Variants in DLG2 observed in about 807,000 individuals in gnomAD.
DLG2 encodes disks large homolog 2.
DLG2 carries 45 observed loss-of-function variants against 132.5 expected under a neutral mutation model. The observed-to-expected ratio is 0.34, with a 90% CI of 0.27 to 0.44. The LOEUF (loss-of-function observed/expected upper bound fraction) is 0.44. Ranked by LOEUF, DLG2 falls within the 20% of genes least tolerant of loss-of-function variation. The probability of loss-of-function intolerance (pLI) is 1.00; values close to 1 mark genes in which losing one functional copy is unlikely to be tolerated. For synonymous variants in DLG2, 424 were observed against 419.6 expected (o/e 1.01, Z -0.13); for missense variants, 1,045 against 1,196.9 (o/e 0.87, Z 1.87).
At chr11:84,232,055 C>T (rs991638471) in intron 8 of DLG2, among the ~76,000 whole-genome samples, 1 of 151,518 alleles carries the variant, frequency 6.6e-6, no homozygotes, top group African/African-American at 2.4e-5. Context: ...GAAACTAAAG[C>T]CAGACTATGT....
rs930011521 is a variant in DLG2 at position 83,688,784 on chromosome 11, C to T, written c.1826-55459G>A. On this transcript the variant is annotated intron_variant, in intron 18 of 27. Coordinates refer to ENST00000376104, the MANE Select transcript of DLG2 (RefSeq NM_001142699.3). ...AAGCCTTCCTACATATAAGAGTTTG[C>T]CTTCTTTGTTTATCTATTATCTGGT... Among the ~76,000 whole-genome samples the T allele has an allele frequency of 3.3e-5, 5 of 152,086 alleles. No homozygotes were observed. The South Asian group carries it at 1.0e-3, about 32-fold the overall frequency.
intron 11 of DLG2, among the ~76,000 whole-genome samples, chr11:84,007,244 A>G (rs2094613720): frequency 1.3e-5 from 2 of 151,728 alleles, no homozygotes; most frequent in Non-Finnish European, 3.0e-5. Context: ...TGAAGTAACT[A>G]AACAATATTT....
intron 6 of DLG2, among the ~76,000 whole-genome samples, chr11:84,633,316 G>A (rs2099635294): frequency 6.6e-6 from 1 of 151,940 alleles, no homozygotes; most frequent in Admixed American, 6.6e-5. Flanking sequence ...TTTCATTTCA[G>A]CCACACTTAA....
chr11:84,886,620 C>G (rs541744358), intron 6 of DLG2, among the ~76,000 whole-genome samples: 2 of 152,218 alleles, frequency 1.3e-5, no homozygotes, highest in South Asian at 4.1e-4. Flanking sequence ...AAAAATAGCA[C>G]ATTAGAAGGT....
intron 3 of DLG2, among the ~76,000 whole-genome samples, chr11:85,419,959 CA>C (rs2152993327): frequency 6.6e-6 from 1 of 152,294 alleles, no homozygotes; most frequent in East Asian, 1.9e-4. Context: ...ATTCCCCATC[CA>C]GTTTTGTTCC....
intron 18 of DLG2, among the ~76,000 whole-genome samples, chr11:83,754,235 T>A (rs540557780): frequency 2.0e-5 from 3 of 151,092 alleles, no homozygotes; most frequent in Non-Finnish European, 1.5e-5. Flanking sequence ...TTAAAATCAA[T>A]TGTGCCCTAT....
At chr11:83,640,651 G>A (rs967199604) in intron 18 of DLG2, among the ~76,000 whole-genome samples, 2 of 152,156 alleles carry the variant, frequency 1.3e-5, no homozygotes, top group African/African-American at 4.8e-5. Flanking sequence ...AGGCTCACAG[G>A]ATAGTGCATA....
chr11:84,994,538 T>C (rs954912464), intron 6 of DLG2, among the ~76,000 whole-genome samples: 2 of 152,100 alleles, frequency 1.3e-5, no homozygotes, highest in Admixed American at 6.5e-5. Context: ...TATGTACCAG[T>C]ATATGAAAAC....
intron 18 of DLG2, among the ~76,000 whole-genome samples, chr11:83,767,085 C>T (rs2094175462): frequency 6.6e-6 from 1 of 152,142 alleles, no homozygotes; most frequent in South Asian, 2.1e-4. Flanking sequence ...CTAGGATTGA[C>T]TTCTCATCTC....
chr11:83,782,690 C>T (rs2094881357), intron 18 of DLG2, among the ~76,000 whole-genome samples: 1 of 152,008 alleles, frequency 6.6e-6, no homozygotes, highest in South Asian at 2.1e-4. Context: ...TCCTGTGTAG[C>T]AGGGGTACAA....
chr11:84,996,755 C>T (rs2057689837), intron 6 of DLG2, among the ~76,000 whole-genome samples: 1 of 152,122 alleles, frequency 6.6e-6, no homozygotes. Context: ...TTTACAGCAA[C>T]ATGGACTTGG....
intron 6 of DLG2, among the ~76,000 whole-genome samples, chr11:84,928,903 T>G (rs1256449353): frequency 6.9e-6 from 1 of 144,642 alleles, no homozygotes; most frequent in Non-Finnish European, 1.5e-5. Flanking sequence ...TCTTAAAAAT[T>G]GATATAAATT....
At chr11:83,784,334 GA>G (rs1247767995) in intron 18 of DLG2, among the ~76,000 whole-genome samples, 1 of 152,020 alleles carries the variant, frequency 6.6e-6, no homozygotes, top group African/African-American at 2.4e-5. Flanking sequence ...CTTTTTCATT[GA>G]AAACTGCAGT....
chr11:83,651,659 A>G lies in DLG2; in HGVS notation c.1826-18334T>C, dbSNP rs1252417278. 8 of 279,606 alleles carry G rather than the reference A, an allele frequency of 2.9e-5. No individual in the cohort carries two copies. The East Asian group carries it at 5.6e-4, about 20-fold the overall frequency. 17.3% of individuals were successfully genotyped at this position (279,606 alleles called of 1,614,324 possible). A position where few individuals can be genotyped will look rare whatever the true frequency, so the allele number is the denominator to read the frequency against. On this transcript the variant is annotated intron_variant, in intron 18 of 27. Coordinates refer to ENST00000376104, the MANE Select transcript of DLG2 (RefSeq NM_001142699.3). ...AAGAGGAGTTGGAGGAGGAGGAAGA[A>G]AACATCCAGAGCATTCAATTTATTC...
chr11:85,248,425 G>A (rs934429562), intron 4 of DLG2, among the ~76,000 whole-genome samples: 1 of 151,692 alleles, frequency 6.6e-6, no homozygotes, highest in Admixed American at 6.6e-5. Context: ...TTTAATTAAA[G>A]ATTTTTTTTA....
At chr11:83,850,160 G>GTGTGTGTGTGTGTTTT (rs1452960432) in intron 16 of DLG2, among the ~76,000 whole-genome samples, 8 of 124,304 alleles carry the variant, frequency 6.4e-5, no homozygotes, top group African/African-American at 2.9e-4. Context: ...GTGTGTGTGT[G>GTGTGTGTGTGTGTTTT]TTTTTTTACT....
At chr11:85,110,604 C>T (rs1164127888) in intron 6 of DLG2, among the ~76,000 whole-genome samples, 1 of 152,086 alleles carries the variant, frequency 6.6e-6, no homozygotes, top group Non-Finnish European at 1.5e-5. Flanking sequence ...ACCATCTCTC[C>T]TTCACTAAAG....
chr11:84,650,041 C>G (rs1382423043), intron 6 of DLG2, among the ~76,000 whole-genome samples: 1 of 152,296 alleles, frequency 6.6e-6, no homozygotes, highest in East Asian at 1.9e-4. Context: ...AAGAAAGAAC[C>G]CTTTCAGCTT....
Position 84,106,979 on chromosome 11 carries a change from G to GGTGT in DLG2, c.625-7936_625-7933dup, listed in dbSNP as rs35530888. ...AAGAGAGAGAGAGTTTTAGCCTTAG[G>GGTGT]GTGTGTGTGTGTGTGTGTGTGTGTG... On this transcript the variant is annotated intron_variant, in intron 9 of 27. Transcript: ENST00000376104. 2.2e-3 allele frequency among the ~76,000 whole-genome samples: 233 copies of GGTGT among 105,380 alleles called. 1 individual carries two copies. Among genetic ancestry groups the GGTGT allele is most frequent in the African/African-American group, 7.3e-3 (199 of 27,108 alleles). 69.1% of individuals were successfully genotyped at this position (105,380 alleles called of 152,430 possible).
Sources: allele counts gnomAD v4.1 joint callset (sites outside exome capture counted in the v4.1 genomes callset), GRCh38; gene constraint gnomAD v4.1.1; transcripts MANE v1.5; gene names NCBI Gene and HGNC (gene_info 2026-07-23, HGNC 2026-07-21).